Variants in LIMS4 observed in about 807,000 individuals in gnomAD.
The protein encoded by LIMS4 is LIM zinc finger domain containing 4, also known as LIM and senescent cell antigen-like-containing domain protein 4.
the LIMS4 span, among the ~76,000 whole-genome samples, chr2:110,425,599 T>G: frequency 7.0e-6 from 1 of 142,038 alleles, no homozygotes; most frequent in South Asian, 2.2e-4. Context: ...TGGGTTGGCC[T>G]GGTGGAATCA....
At chr2:110,360,707 A>G in the LIMS4 span, 1 of 1,604,432 alleles carries the variant, frequency 6.2e-7, no homozygotes, top group Non-Finnish European at 8.5e-7. Flanking sequence ...GTTTTTGCGC[A>G]CACTTTGCAC....
chr2:110,367,473 T>C, the LIMS4 span, among the ~76,000 whole-genome samples: 1 of 141,304 alleles, frequency 7.1e-6, no homozygotes, highest in African/African-American at 3.0e-5. Context: ...AAATAAGCAA[T>C]AGGAAAAGGG....
At chr2:110,373,197 A>C in the LIMS4 span, among the ~76,000 whole-genome samples, 2 of 11,852 alleles carry the variant, frequency 1.7e-4, no homozygotes, top group African/African-American at 8.8e-4. Context: ...TCTCCTCCCC[A>C]GTGACACCCC....
the LIMS4 span, among the ~76,000 whole-genome samples, chr2:110,366,124 C>A: frequency 2.7e-5 from 4 of 150,366 alleles, no homozygotes; most frequent in Admixed American, 6.6e-5. Flanking sequence ...TAAAGAAGAG[C>A]TGCTACCATC....
chr2:110,409,825 T>TGGCTCCACTCC, the LIMS4 span, among the ~76,000 whole-genome samples: 4 of 75,250 alleles, frequency 5.3e-5, 1 homozygote, highest in East Asian at 1.6e-3. Context: ...CAAAGACTAG[T>TGGCTCCACTCC]ACATCCACCC....
chr2:110,407,531 G>T, the LIMS4 span, among the ~76,000 whole-genome samples: 5 of 99,852 alleles, frequency 5.0e-5, no homozygotes, highest in Admixed American at 4.2e-4. Flanking sequence ...TAGCTTCTAT[G>T]CTGGGTATTG....
chr2:110,391,722 G>GTCGCCGTATCATTAA, the LIMS4 span, among the ~76,000 whole-genome samples: 1 of 116,916 alleles, frequency 8.6e-6, no homozygotes, highest in Non-Finnish European at 1.6e-5. Flanking sequence ...GGATCACGGG[G>GTCGCCGTATCATTAA]AGCCATTAGT....
the LIMS4 span, chr2:110,387,763 G>A: frequency 6.1e-6 from 1 of 165,144 alleles, no homozygotes; most frequent in African/African-American, 2.4e-5. Context: ...CAAAGTGCTG[G>A]AATTACAGAT....
the LIMS4 span, among the ~76,000 whole-genome samples, chr2:110,391,154 G>C: frequency 6.6e-6 from 1 of 151,204 alleles, no homozygotes; most frequent in Non-Finnish European, 1.5e-5. Flanking sequence ...GAGAGCAGGG[G>C]AGGGAGGGAA....
At chr2:110,375,880 G>A in the LIMS4 span, 2 of 46,572 alleles carry the variant, frequency 4.3e-5, no homozygotes, top group Non-Finnish European at 7.3e-5. Flanking sequence ...GATTTCTTGG[G>A]CCCTGCATTA....
At chr2:110,422,495 T>C in the LIMS4 span, among the ~76,000 whole-genome samples, 2 of 123,464 alleles carry the variant, frequency 1.6e-5, no homozygotes, top group African/African-American at 9.1e-5. Context: ...TTTTTTTTTT[T>C]TTTTAGATGG....
the LIMS4 span, among the ~76,000 whole-genome samples, chr2:110,365,885 C>T: frequency 6.8e-6 from 1 of 147,334 alleles, no homozygotes; most frequent in African/African-American, 2.6e-5. Flanking sequence ...ACTCTGAGAC[C>T]ATTATGAACA....
the LIMS4 span, chr2:110,376,247 C>G: frequency 2.2e-5 from 3 of 138,222 alleles, no homozygotes; most frequent in Non-Finnish European, 4.4e-5. Context: ...TATAGAGAAG[C>G]TCGGAACTTT....
chr2:110,369,164 AT>A, the LIMS4 span, among the ~76,000 whole-genome samples: 1 of 92,366 alleles, frequency 1.1e-5, no homozygotes, highest in Non-Finnish European at 2.1e-5. Context: ...TAAAAGCTAA[AT>A]AAGATCTTTA....
chr2:110,395,847 A>G, the LIMS4 span, among the ~76,000 whole-genome samples: 1 of 125,158 alleles, frequency 8.0e-6, no homozygotes, highest in Non-Finnish European at 1.6e-5. Flanking sequence ...CAGGGCCTGC[A>G]CCCTCCCACC....
the LIMS4 span, chr2:110,375,881 C>T: frequency 8.4e-5 from 4 of 47,658 alleles, no homozygotes; most frequent in East Asian, 1.9e-3. Flanking sequence ...ATTTCTTGGG[C>T]CCTGCATTAG....
At chr2:110,371,826 G>T in the LIMS4 span, among the ~76,000 whole-genome samples, 1 of 142,226 alleles carries the variant, frequency 7.0e-6, no homozygotes, top group Non-Finnish European at 1.5e-5. Flanking sequence ...GAGGAGCCAG[G>T]TGCCTGAAAC....
the LIMS4 span, among the ~76,000 whole-genome samples, chr2:110,379,214 G>C: frequency 1.3e-5 from 2 of 151,756 alleles, no homozygotes; most frequent in African/African-American, 4.9e-5. Flanking sequence ...TTGGTTGCTT[G>C]CTTGCTTGCT....
the LIMS4 span, among the ~76,000 whole-genome samples, chr2:110,425,484 C>T: frequency 7.2e-6 from 1 of 139,258 alleles, no homozygotes; most frequent in Non-Finnish European, 1.5e-5. Flanking sequence ...AATTCAAACC[C>T]TAATTTCTGG....
Sources: gnomAD v4.1 joint callset for allele counts (sites outside exome capture counted in the v4.1 genomes callset) on GRCh38, gnomAD v4.1.1 for gene constraint, MANE v1.5 for transcripts, NCBI Gene and HGNC (gene_info 2026-07-23, HGNC 2026-07-21) for gene names.